Variants in MRAP2 observed in about 807,000 individuals in gnomAD.
MRAP2 encodes melanocortin-2 receptor accessory protein 2.
MRAP2 carries 20 observed loss-of-function variants against 17.4 expected under a neutral mutation model. The observed-to-expected ratio is 1.15, with a 90% confidence interval of 0.81 to 1.67. The LOEUF (loss-of-function observed/expected upper bound fraction) is 1.67. MRAP2 is among the 40% of genes most tolerant of loss of function. The probability of loss-of-function intolerance (pLI) is 0.00; values close to 1 mark genes in which losing one functional copy is unlikely to be tolerated. For synonymous variants in MRAP2, 96 were observed against 88.4 expected, an observed-to-expected ratio of 1.09 and a Z score of -0.48; for missense variants, 238 against 240.0, an observed-to-expected ratio of 0.99 and a Z score of 0.05.
intron 1 of MRAP2, among the ~76,000 whole-genome samples, chr6:84,036,241 G>A (rs2099485937): frequency 6.6e-6 from 1 of 151,988 alleles, no homozygotes; most frequent in South Asian, 2.1e-4. Flanking sequence ...TCAAGAGTAT[G>A]AGGGTTCATC....
At chr6:84,122,858 C>T in the MRAP2 span, among the ~76,000 whole-genome samples, 4 of 151,994 alleles carry the variant, frequency 2.6e-5, no homozygotes, top group African/African-American at 9.7e-5. Flanking sequence ...GACTCGTAGA[C>T]TTGACAAGTG....
At chr6:84,114,873 G>A in the MRAP2 span, among the ~76,000 whole-genome samples, 2 of 152,160 alleles carry the variant, frequency 1.3e-5, no homozygotes, top group African/African-American at 4.8e-5. Context: ...ATCCACTGCA[G>A]ACCCTGTTTT....
the MRAP2 span, among the ~76,000 whole-genome samples, chr6:84,135,328 C>T: frequency 6.6e-6 from 1 of 151,948 alleles, no homozygotes; most frequent in Non-Finnish European, 1.5e-5. Context: ...AGTGATTCAC[C>T]CAGATGATGT....
chr6:84,112,526 C>A, the MRAP2 span, among the ~76,000 whole-genome samples: 1 of 152,118 alleles, frequency 6.6e-6, no homozygotes, highest in Non-Finnish European at 1.5e-5. Flanking sequence ...AGCAGTCTAT[C>A]TATTTTGTTA....
At chr6:84,109,186 T>C in the MRAP2 span, among the ~76,000 whole-genome samples, 11 of 152,314 alleles carry the variant, frequency 7.2e-5, no homozygotes, top group African/African-American at 2.6e-4. Flanking sequence ...CAATTTAAAA[T>C]AGTGTTTCCT....
chr6:84,092,897 G>GA (rs1311480551), downstream of MRAP2, among the ~76,000 whole-genome samples: 1 of 152,056 alleles, frequency 6.6e-6, no homozygotes, highest in Non-Finnish European at 1.5e-5. Flanking sequence ...AAAATGGAAG[G>GA]AAAAAATGAA....
At chr6:84,093,754 G>A (rs1295637461), downstream of MRAP2, among the ~76,000 whole-genome samples, 2 of 152,250 alleles carry the variant, frequency 1.3e-5, no homozygotes, top group African/African-American at 4.8e-5. Flanking sequence ...CTCCACCCCT[G>A]GTAGTGACTT....
chr6:84,072,314 G>A (rs1261775093), intron 3 of MRAP2, among the ~76,000 whole-genome samples: 1 of 152,188 alleles, frequency 6.6e-6, no homozygotes, highest in Non-Finnish European at 1.5e-5. Context: ...GTGGCTTCCT[G>A]TAAGCTGAAC....
At chr6:84,059,569 G>A (rs1466150043) in intron 2 of MRAP2, among the ~76,000 whole-genome samples, 1 of 152,152 alleles carries the variant, frequency 6.6e-6, no homozygotes, top group Non-Finnish European at 1.5e-5. Context: ...ACCCTAGATT[G>A]GGAAGGAAAA....
intron 2 of MRAP2, among the ~76,000 whole-genome samples, 173 bp downstream of exon 2, chr6:84,055,618 T>C (rs1328730418): frequency 6.6e-6 from 1 of 152,184 alleles, no homozygotes; most frequent in African/African-American, 2.4e-5. Flanking sequence ...TGCTCAGGAA[T>C]GGTACAGGAG....
chr6:84,089,019 T>C, intron 3 of MRAP2, 72 bp from the exon 4 acceptor site: 1 of 1,512,626 alleles, frequency 6.6e-7, no homozygotes, highest in Non-Finnish European at 8.8e-7. Context: ...CTGCCCTACG[T>C]GCAGAAAACC....
chr6:84,067,056 C>T (rs984321603), intron 3 of MRAP2, among the ~76,000 whole-genome samples: 4 of 151,830 alleles, frequency 2.6e-5, no homozygotes, highest in African/African-American at 9.7e-5. Context: ...CACCCCCAAG[C>T]CCCCACAGTC....
chr6:84,038,826 A>G (rs908368056), intron 1 of MRAP2, among the ~76,000 whole-genome samples: 2 of 152,198 alleles, frequency 1.3e-5, no homozygotes, highest in Non-Finnish European at 2.9e-5. Flanking sequence ...TTGCATGAGC[A>G]GAAACATCAT....
intron 3 of MRAP2, among the ~76,000 whole-genome samples, chr6:84,072,136 G>T (rs2099496347): frequency 1.3e-5 from 2 of 152,098 alleles, no homozygotes; most frequent in South Asian, 2.1e-4. Flanking sequence ...TTTTTAGGGG[G>T]TGTTAAAGAG....
At chr6:84,099,029 G>A in the MRAP2 span, among the ~76,000 whole-genome samples, 1 of 151,624 alleles carries the variant, frequency 6.6e-6, no homozygotes. Flanking sequence ...CCAAACCCAA[G>A]GTCATAAAGG....
At chr6:84,076,183 CT>C (rs1409543109) in intron 3 of MRAP2, among the ~76,000 whole-genome samples, 1 of 151,866 alleles carries the variant, frequency 6.6e-6, no homozygotes, top group East Asian at 1.9e-4. Context: ...CCACTTCAGC[CT>C]CCTGAGTAAC....
At chr6:84,045,382 A>G (rs922825351) in intron 1 of MRAP2, 5 of 985,222 alleles carry the variant, frequency 5.1e-6, no homozygotes, top group Middle Eastern at 5.2e-4. Flanking sequence ...CCTGCCCCCA[A>G]GACCTCTGTG....
intron 1 of MRAP2, among the ~76,000 whole-genome samples, chr6:84,050,254 C>T (rs912459844): frequency 3.9e-5 from 6 of 152,136 alleles, no homozygotes; most frequent in African/African-American, 7.2e-5. Flanking sequence ...TGATGGTTCA[C>T]GCAGACTCTA....
the MRAP2 span, among the ~76,000 whole-genome samples, chr6:84,134,180 G>A: frequency 6.6e-6 from 1 of 152,180 alleles, no homozygotes; most frequent in African/African-American, 2.4e-5. Context: ...GCTTACTCAA[G>A]CCTCAGTAAT....
Sources: allele counts gnomAD v4.1 joint callset (sites outside exome capture counted in the v4.1 genomes callset), GRCh38; gene constraint gnomAD v4.1.1; transcripts MANE v1.5; gene names NCBI Gene and HGNC (gene_info 2026-07-23, HGNC 2026-07-21).